The following AOX1 variants were observed in gnomAD, a reference collection of about 807,000 sequenced individuals.
The protein encoded by AOX1 is aldehyde oxidase 1.
A neutral mutation model predicts 169.5 loss-of-function variants in AOX1; 153 were observed. The observed-to-expected ratio is 0.90, with a 90% CI of 0.79 to 1.03. The LOEUF is 1.03. AOX1 is among the 50% of genes least tolerant of loss of function. The pLI, the probability that AOX1 is intolerant of heterozygous loss-of-function variation, is 0.00. For missense variants in AOX1, 1,656 were observed against 1,663.9 expected, an observed-to-expected ratio of 1.00 and a Z score of 0.08; for synonymous variants, 562 against 581.9, an observed-to-expected ratio of 0.97 and a Z score of 0.49.
intron 22 of AOX1, 143 bp downstream of exon 22, chr2:200,637,187 C>T: frequency 9.8e-7 from 1 of 1,022,876 alleles, no homozygotes; most frequent in East Asian, 2.6e-5. Context: ...CAGCTTATTA[C>T]ACTTACTTGT....
At chr2:200,638,016 C>G (rs2035271650) in intron 22 of AOX1, 199 bp from the exon 23 acceptor site, 5 of 472,700 alleles carry the variant, frequency 1.1e-5, no homozygotes, top group Non-Finnish European at 1.6e-5. Context: ...GTTGCAAATG[C>G]CTGGCATTAT....
intron 27 of AOX1, 36 bp from the exon 28 acceptor site, chr2:200,659,129 A>G: frequency 1.9e-6 from 3 of 1,608,016 alleles, no homozygotes; most frequent in Non-Finnish European, 2.5e-6. Flanking sequence ...GTGACTAATC[A>G]AAGTGTTTAA....
chr2:200,634,915 G>A lies in AOX1; in HGVS notation c.2346G>A (p.Gln782=). 6.2e-7 allele frequency: 1 copy of A among 1,613,848 alleles called. No homozygotes were observed. Among genetic ancestry groups the A allele is most frequent in the Non-Finnish European group, 8.5e-7 (1 of 1,179,868 alleles). The part of the protein sequence containing the change: ...YVSTQFPKYI[Q]DIVASTLKLP... ...CCACACAGTTTCCCAAATATATACAGGTAACATGGGGCCATTGTGGAGAGG... is the reference window on the plus strand; with the variant it reads ...CCACACAGTTTCCCAAATATATACAAGTAACATGGGGCCATTGTGGAGAGG... Residue 782 remains glutamine (Q), a splice_region_variant and synonymous_variant, in exon 21 of 35, where the codon CAG becomes CAA. Coordinates refer to ENST00000374700, the MANE Select transcript of AOX1 (RefSeq NM_001159.4).
intron 10 of AOX1, among the ~76,000 whole-genome samples, chr2:200,607,997 TAGGACAAATACC>T (rs2034550703): frequency 3.3e-5 from 5 of 152,264 alleles, no homozygotes; most frequent in African/African-American, 1.2e-4. Context: ...GGGAGAGCAT[TAGGACAAATACC>T]TAATGCATGC....
At chr2:200,634,939 G>C in intron 21 of AOX1, 24 bp downstream of exon 21, 1 of 1,609,324 alleles carries the variant, frequency 6.2e-7, no homozygotes, top group Non-Finnish European at 8.5e-7. Context: ...ATTGTGGAGA[G>C]GACATGGCTA....
Position 200,599,670 on chromosome 2 carries a change from G to A in AOX1, c.360G>A (p.Gly120=). The part of the protein sequence containing the change: ...HGTQCGFCTP[G]MVMSIYTLLR... ...CCCAGTGTGGCTTCTGCACACCTGGGATGGTGATGTCCATCTACACGCTGC... is the reference window on the plus strand; with the variant it reads ...CCCAGTGTGGCTTCTGCACACCTGGAATGGTGATGTCCATCTACACGCTGC... Residue 120 remains glycine (G), a synonymous_variant, in exon 5 of 35, where the codon GGG becomes GGA. Coordinates refer to ENST00000374700, the MANE Select transcript of AOX1 (RefSeq NM_001159.4). The A allele has an allele frequency of 6.2e-7, 1 of 1,613,158 alleles. No homozygotes were observed. Among genetic ancestry groups the A allele is most frequent in the Non-Finnish European group, 8.5e-7 (1 of 1,179,402 alleles).
At chr2:200,642,535 G>A (rs1371696679) in intron 24 of AOX1, 75 bp from the exon 25 acceptor site, 9 of 1,322,084 alleles carry the variant, frequency 6.8e-6, no homozygotes, top group Non-Finnish European at 9.5e-6. Flanking sequence ...TTTTCGGCCT[G>A]GTTTTGGTCT....
chr2:200,628,443 C>T (rs904354498), intron 20 of AOX1, among the ~76,000 whole-genome samples: 1 of 152,134 alleles, frequency 6.6e-6, no homozygotes, highest in African/African-American at 2.4e-5. Flanking sequence ...CCATGCTTTC[C>T]CCGCCACACT....
chr2:200,609,598 G>C (rs761995704), intron 12 of AOX1, among the ~76,000 whole-genome samples, 184 bp downstream of exon 12: 1 of 152,122 alleles, frequency 6.6e-6, no homozygotes, highest in Non-Finnish European at 1.5e-5. Context: ...CTTCCCCTGT[G>C]TCTTTCTGGT....
chr2:200,618,301 T>C (rs2034809895), intron 16 of AOX1, among the ~76,000 whole-genome samples: 1 of 152,216 alleles, frequency 6.6e-6, no homozygotes, highest in Admixed American at 6.5e-5. Flanking sequence ...ACTACAAAAC[T>C]GAAGTTTACA....
chr2:200,622,093 A>G (rs1190997015), intron 18 of AOX1, among the ~76,000 whole-genome samples: 1 of 152,246 alleles, frequency 6.6e-6, no homozygotes, highest in African/African-American at 2.4e-5. Flanking sequence ...ATGTCTGGTC[A>G]CCATAGCTGA....
chr2:200,603,207 T>G (rs1475455577), intron 6 of AOX1, 60 bp from the exon 7 acceptor site: 1 of 1,364,308 alleles, frequency 7.3e-7, no homozygotes, highest in Non-Finnish European at 1.0e-6. Context: ...TTCACCTGCT[T>G]TATTTACTAG....
At chr2:200,590,367 T>A (rs2034143255) in intron 1 of AOX1, among the ~76,000 whole-genome samples, 1 of 152,162 alleles carries the variant, frequency 6.6e-6, no homozygotes, top group African/African-American at 2.4e-5. Flanking sequence ...GATGAGTACA[T>A]GCAATGACCC....
intron 18 of AOX1, among the ~76,000 whole-genome samples, chr2:200,623,446 C>T (rs1289341799): frequency 6.6e-6 from 1 of 152,252 alleles, no homozygotes; most frequent in Admixed American, 6.5e-5. Flanking sequence ...CAGGTCATCC[C>T]CTTTTTCTCT....
At chr2:200,652,171 T>A (rs1275870663) in intron 26 of AOX1, among the ~76,000 whole-genome samples, 1 of 152,138 alleles carries the variant, frequency 6.6e-6, no homozygotes, top group African/African-American at 2.4e-5. Flanking sequence ...GGTAGGAAGG[T>A]CCTTTCCTCC....
At chr2:200,607,617 G>A (rs1461214901) in intron 10 of AOX1, among the ~76,000 whole-genome samples, 1 of 152,146 alleles carries the variant, frequency 6.6e-6, no homozygotes, top group Non-Finnish European at 1.5e-5. Flanking sequence ...CCATTACTGA[G>A]TATATACCCA....
At chr2:200,643,380 T>C (rs1440460929) in intron 25 of AOX1, among the ~76,000 whole-genome samples, 3 of 131,234 alleles carry the variant, frequency 2.3e-5, no homozygotes, top group Non-Finnish European at 4.7e-5. Context: ...TATGTGTATA[T>C]ATATATACAC....
intron 16 of AOX1, among the ~76,000 whole-genome samples, chr2:200,619,513 C>A (rs1328353484): frequency 1.3e-5 from 2 of 152,196 alleles, no homozygotes; most frequent in Admixed American, 6.5e-5. Flanking sequence ...TCACCCTGGC[C>A]TTATGTCTGT....
At chr2:200,655,180 C>T (rs1028899597) in intron 26 of AOX1, among the ~76,000 whole-genome samples, 2 of 152,204 alleles carry the variant, frequency 1.3e-5, no homozygotes, top group East Asian at 3.9e-4. Context: ...ATTTACTGAG[C>T]ACCTACCGCA....
Sources: allele counts gnomAD v4.1 joint callset (sites outside exome capture counted in the v4.1 genomes callset), GRCh38; gene constraint gnomAD v4.1.1; transcripts MANE v1.5; gene names NCBI Gene and HGNC (gene_info 2026-07-23, HGNC 2026-07-21).